Variants in BANF2 observed in about 807,000 individuals in gnomAD.
BANF2 encodes barrier-to-autointegration factor-like protein.
A neutral mutation model predicts 8.0 loss-of-function variants in BANF2; 4 were observed. The observed-to-expected ratio is 0.50, with a 90% CI of 0.25 to 1.14. The LOEUF (loss-of-function observed/expected upper bound fraction) is 1.14. Among genes scored for constraint, BANF2 ranks in the 50% most tolerant of loss-of-function variants. The pLI, the probability that BANF2 is intolerant of heterozygous loss-of-function variation, is 0.16. For missense variants in BANF2, 96 were observed against 107.5 expected (o/e 0.89, Z 0.47); for synonymous variants, 50 against 40.6 (o/e 1.23, Z -0.88).
intron 2 of BANF2, among the ~76,000 whole-genome samples, chr20:17,723,788 A>G (rs2037764631): frequency 6.6e-6 from 1 of 152,194 alleles, no homozygotes; most frequent in Non-Finnish European, 1.5e-5. Flanking sequence ...TGAGATCAGG[A>G]GTTCAGGACC....
intron 1 of BANF2, among the ~76,000 whole-genome samples, chr20:17,705,412 G>A (rs576683171): frequency 3.5e-4 from 54 of 152,332 alleles, no homozygotes; most frequent in African/African-American, 1.2e-3. Flanking sequence ...CCCTAGCACA[G>A]ACTCAGGGGC....
chr20:17,722,848 G>A lies in BANF2; in HGVS notation c.-34G>A. On this transcript the variant is annotated 5_prime_UTR_variant, in exon 2 of 4. Coordinates refer to ENST00000246090, the MANE Select transcript of BANF2 (RefSeq NM_178477.5). ...ACAAAACGTCCTTCAGAGCAAGAAG[G>A]CGTACACGAGGAGCTCGACTCTGTA... 1 of 985,492 alleles carries A rather than the reference G, an allele frequency of 1.0e-6. No individual in the cohort carries two copies. Among genetic ancestry groups the A allele is most frequent in the Non-Finnish European group, 1.2e-6 (1 of 829,932 alleles). 61.0% of individuals were successfully genotyped at this position (985,492 alleles called of 1,614,324 possible).
intron 1 of BANF2, among the ~76,000 whole-genome samples, chr20:17,710,025 T>C (rs997163405): frequency 1.3e-5 from 2 of 152,246 alleles, no homozygotes; most frequent in Non-Finnish European, 2.9e-5. Flanking sequence ...GTTACTGCCA[T>C]GAGCACTGGG....
chr20:17,729,060 C>T (rs550427943), intron 3 of BANF2, among the ~76,000 whole-genome samples: 10 of 152,298 alleles, frequency 6.6e-5, no homozygotes, highest in South Asian at 2.1e-4. Context: ...ATCAAAATCA[C>T]GTATGTGGCT....
chr20:17,697,232 C>A (rs117595843), upstream of BANF2, among the ~76,000 whole-genome samples: 1 of 152,300 alleles, frequency 6.6e-6, no homozygotes, highest in South Asian at 2.1e-4. Context: ...AGCTCCACCT[C>A]CATATTCTTA....
At position 17,725,115 on chromosome 20, in the gene BANF2, G is replaced by T; in HGVS notation, c.90G>T (p.Glu30Asp). Residue 30 changes from glutamate (E) to aspartate (D), a missense_variant, in exon 3 of 4, where the codon GAG (glutamate) becomes GAT (aspartate). Physicochemically the swap from Glu to Asp is conservative, Grantham distance 45 (BLOSUM62 2). Transcript: ENST00000246090. The stretch of plus-strand genomic sequence containing the variant: ...GCTGGGTGGATGGCATCAGCCATGA[G>T]CTCGCGATCAATTTGGTCACCAAAG... Reference protein sequence around the residue: ...DVCWVDGISHELAINLVTKGI... With the variant: ...DVCWVDGISHDLAINLVTKGI... 1.2e-6 allele frequency: 2 copies of T among 1,613,166 alleles called. No homozygotes were observed. Among genetic ancestry groups the T allele is most frequent in the Non-Finnish European group, 1.7e-6 (2 of 1,179,044 alleles).
intron 1 of BANF2, among the ~76,000 whole-genome samples, chr20:17,702,544 A>T (rs1000873284): frequency 6.6e-6 from 1 of 151,990 alleles, no homozygotes; most frequent in Non-Finnish European, 1.5e-5. Context: ...AGTTACACAG[A>T]CCTCTGCTGC....
chr20:17,709,834 C>A (rs1194514495), intron 1 of BANF2, among the ~76,000 whole-genome samples: 1 of 152,128 alleles, frequency 6.6e-6, no homozygotes, highest in Non-Finnish European at 1.5e-5. Flanking sequence ...GATCTTGGTG[C>A]GGAGCTTAGC....
intron 3 of BANF2, among the ~76,000 whole-genome samples, chr20:17,732,722 G>T (rs564315640): frequency 2.0e-5 from 3 of 152,320 alleles, no homozygotes; most frequent in African/African-American, 7.2e-5. Context: ...CACGGCCACT[G>T]TCCAGAGTGG....
chr20:17,720,515 A>T (rs1440639430), intron 1 of BANF2, among the ~76,000 whole-genome samples: 1 of 152,240 alleles, frequency 6.6e-6, no homozygotes, highest in East Asian at 1.9e-4. Context: ...TCCACTTAAA[A>T]TTTTTTTCTT....
chr20:17,726,091 T>C (rs2037806311), intron 3 of BANF2, among the ~76,000 whole-genome samples: 1 of 152,180 alleles, frequency 6.6e-6, no homozygotes, highest in Admixed American at 6.5e-5. Flanking sequence ...AGTGCCCCTA[T>C]TGGGTAGATT....
intron 1 of BANF2, among the ~76,000 whole-genome samples, chr20:17,708,385 C>T (rs950329101): frequency 2.2e-4 from 34 of 152,180 alleles, no homozygotes; most frequent in Non-Finnish European, 4.7e-4. Context: ...TTTGTTGGGT[C>T]CATACAGCAT....
At chr20:17,719,005 G>C (rs1568814713) in intron 1 of BANF2, among the ~76,000 whole-genome samples, 1 of 152,306 alleles carries the variant, frequency 6.6e-6, no homozygotes, top group South Asian at 2.1e-4. Flanking sequence ...GTCCATAATG[G>C]ACCCAATGCT....
Position 17,722,893 on chromosome 20 carries a change from G to A in BANF2, c.-4+15G>A. On this transcript the variant is annotated intron_variant, in intron 2 of 3. Transcript: ENST00000246090. ...TCTGTAGAAAGGTCTGGAGGAGGATGGGGACAGGAGAGGGGATGGGGCTGT... is the reference window on the plus strand; with the variant it reads ...TCTGTAGAAAGGTCTGGAGGAGGATAGGGACAGGAGAGGGGATGGGGCTGT... 2.0e-6 allele frequency: 2 copies of A among 983,234 alleles called. No homozygotes were observed. Among genetic ancestry groups the A allele is most frequent in the Non-Finnish European group, 2.4e-6 (2 of 827,882 alleles). The allele number at this position is 983,234 out of a possible 1,614,324, so 60.9% of individuals were successfully genotyped here.
intron 1 of BANF2, among the ~76,000 whole-genome samples, chr20:17,707,219 TA>T (rs11385268): frequency 5.5e-4 from 80 of 145,808 alleles, no homozygotes; most frequent in Middle Eastern, 3.5e-3. Context: ...CCATCTCTAC[TA>T]AAAAAAAAAA....
Position 17,724,930 on chromosome 20 carries a change from C to G in BANF2, c.-3-93C>G, listed in dbSNP as rs143505064. On this transcript the variant is annotated intron_variant, in intron 2 of 3. Transcript: ENST00000246090. ...GAATTCTGCCATCTGTTGCCCCAGTCCCTTGGTGGGCTGAGGGAGTTCCCC... is the reference window on the plus strand; with the variant it reads ...GAATTCTGCCATCTGTTGCCCCAGTGCCTTGGTGGGCTGAGGGAGTTCCCC... 788 of 1,321,430 alleles carry G rather than the reference C, an allele frequency of 6.0e-4. 3 individuals carry two copies. The African/African-American group carries it at 0.011, about 18-fold the overall frequency. 81.9% of individuals were successfully genotyped at this position (1,321,430 alleles called of 1,614,324 possible).
chr20:17,693,881 CCCGCATCTTCA>C (rs1453263350), intron 1 of BANF2, among the ~76,000 whole-genome samples: 2 of 152,168 alleles, frequency 1.3e-5, no homozygotes, highest in Non-Finnish European at 2.9e-5. Context: ...CCTCCTTATT[CCCGCATCTTCA>C]CACCACGGTG....
chr20:17,699,529 A>G (rs2037380119), upstream of BANF2, among the ~76,000 whole-genome samples: 1 of 152,202 alleles, frequency 6.6e-6, no homozygotes, highest in Non-Finnish European at 1.5e-5. Flanking sequence ...AGTCACGGGT[A>G]TACTGGTAGA....
intron 3 of BANF2, among the ~76,000 whole-genome samples, chr20:17,733,590 A>G (rs2037933156): frequency 6.6e-6 from 1 of 152,168 alleles, no homozygotes; most frequent in Non-Finnish European, 1.5e-5. Context: ...TACTGGCTCA[A>G]TTAACACTTA....
Sources: gnomAD v4.1 joint callset for allele counts (sites outside exome capture counted in the v4.1 genomes callset) on GRCh38, gnomAD v4.1.1 for gene constraint, MANE v1.5 for transcripts, NCBI Gene and HGNC (gene_info 2026-07-23, HGNC 2026-07-21) for gene names.